Variants in SLC14A2 observed in about 807,000 individuals in gnomAD.
SLC14A2 encodes the protein urea transporter 2.
In SLC14A2, 91 loss-of-function variants were observed where a neutral mutation model predicts 104.6. That is an observed-to-expected ratio of 0.87 (90% CI 0.73 to 1.04). SLC14A2 has a LOEUF of 1.04. Ranked by LOEUF, SLC14A2 falls within the 50% of genes least tolerant of loss-of-function variation. The pLI, the probability that SLC14A2 is intolerant of heterozygous loss-of-function variation, is 0.00. For missense variants in SLC14A2, 1,189 were observed against 1,156.0 expected (o/e 1.03, Z -0.41); for synonymous variants, 476 against 466.4 (o/e 1.02, Z -0.27).
chr18:45,354,055 A>G (rs1412968103), intron 1 of SLC14A2, among the ~76,000 whole-genome samples: 4 of 152,172 alleles, frequency 2.6e-5, no homozygotes, highest in Admixed American at 1.3e-4. Flanking sequence ...TAAAATATTG[A>G]AGGTGCTGGA....
Position 45,641,124 on chromosome 18 carries a change from C to T in SLC14A2, c.992-85C>T, listed in dbSNP as rs143864938. 202 of 1,447,138 alleles carry T rather than the reference C, an allele frequency of 1.4e-4. 2 individuals carry two copies. In the East Asian group the frequency reaches 4.0e-3, roughly 29 times the overall value. The allele number at this position is 1,447,138 out of a possible 1,614,324, so 89.6% of individuals were successfully genotyped here. A position where few individuals can be genotyped will look rare whatever the true frequency, so the allele number is the denominator to read the frequency against. On this transcript the variant is annotated intron_variant, in intron 7 of 19. Coordinates refer to ENST00000255226, the MANE Select transcript of SLC14A2 (RefSeq NM_007163.4). ...TGTGGGGTGAACAACAGCATGGAGG[C>T]CACTCTGAGACCTGGCACCAGTCCC...
intron 1 of SLC14A2, among the ~76,000 whole-genome samples, chr18:45,623,448 A>C (rs945136032): frequency 1.3e-5 from 2 of 152,190 alleles, no homozygotes; most frequent in African/African-American, 4.8e-5. Flanking sequence ...AGAGTCAGTA[A>C]CGCAGCAGTG....
chr18:45,282,898 C>T (rs1476575764), intron 1 of SLC14A2, among the ~76,000 whole-genome samples: 1 of 151,672 alleles, frequency 6.6e-6, no homozygotes, highest in Non-Finnish European at 1.5e-5. Context: ...TGTGCAAGTC[C>T]CCTTTGTGAT....
At chr18:45,277,598 A>G (rs1362289345) in intron 1 of SLC14A2, among the ~76,000 whole-genome samples, 2 of 152,128 alleles carry the variant, frequency 1.3e-5, no homozygotes, top group African/African-American at 4.8e-5. Context: ...TTGTAGAGAC[A>G]GGGTCTTGCC....
intron 1 of SLC14A2, among the ~76,000 whole-genome samples, chr18:45,283,097 TCTGA>T (rs1440838570): frequency 6.6e-6 from 1 of 152,234 alleles, no homozygotes; most frequent in African/African-American, 2.4e-5. Flanking sequence ...ATTGTGTGTA[TCTGA>T]CTGTGACCCT....
chr18:45,675,158 G>C (rs959344194), intron 18 of SLC14A2, among the ~76,000 whole-genome samples: 3 of 152,198 alleles, frequency 2.0e-5, no homozygotes, highest in Admixed American at 6.5e-5. Context: ...TGAGCCTGAC[G>C]ATCTCAGGAA....
rs577363357 is a variant in SLC14A2, at chr18:45,246,659, G to A, written c.-125+33468G>A. 8.6e-5 allele frequency among the ~76,000 whole-genome samples: 13 copies of A among 151,986 alleles called. 1 individual carries two copies. The South Asian group carries it at 2.5e-3, about 29-fold the overall frequency. ...GTGATCTTGGCTCACTGCAACCTCC[G>A]CCTCCCGGGTTCAAACAATTCTCTT... On this transcript the variant is annotated intron_variant, in intron 1 of 20. Transcript: ENST00000586448.
intron 1 of SLC14A2, among the ~76,000 whole-genome samples, chr18:45,333,955 TTACTG>T (rs1222626808): frequency 6.6e-6 from 1 of 152,218 alleles, no homozygotes; most frequent in African/African-American, 2.4e-5. Context: ...TATATATAGT[TTACTG>T]TACATGGTGG....
chr18:45,606,622 G>A (rs550882032), intron 2 of SLC14A2, among the ~76,000 whole-genome samples: 21 of 133,896 alleles, frequency 1.6e-4, no homozygotes, highest in Non-Finnish European at 2.6e-4. Flanking sequence ...GAAAACATAT[G>A]CCCATGACCT....
intron 5 of SLC14A2, 112 bp from the exon 6 acceptor site, chr18:45,636,878 G>A (rs1394713614): frequency 5.3e-6 from 4 of 748,484 alleles, no homozygotes; most frequent in East Asian, 2.5e-5. Context: ...AGGGGGCCAG[G>A]AATGCTGTGC....
At chr18:45,585,782 C>G (rs955820122) in intron 2 of SLC14A2, among the ~76,000 whole-genome samples, 1 of 152,184 alleles carries the variant, frequency 6.6e-6, no homozygotes, top group African/African-American at 2.4e-5. Context: ...GCCCCCTTCT[C>G]CCTCTGCATG....
At chr18:45,214,920 AAAAAAAAAAAAAAAAGAAAAGAAAT>A (rs1486810024) in intron 1 of SLC14A2, among the ~76,000 whole-genome samples, 1 of 150,384 alleles carries the variant, frequency 6.6e-6, no homozygotes, top group Non-Finnish European at 1.5e-5. Flanking sequence ...TCTTTAAAAA[AAAAAAAAAAAAAAAAGAAAAGAAAT>A]AAAAGAAAAA....
At chr18:45,396,673 T>TA (rs1369866212) in intron 1 of SLC14A2, among the ~76,000 whole-genome samples, 22 of 141,194 alleles carry the variant, frequency 1.6e-4, no homozygotes, top group Admixed American at 1.0e-3. Context: ...TCTTTTTTTT[T>TA]AACTTTTATT....
chr18:45,669,564 T>C, intron 16 of SLC14A2, 66 bp downstream of exon 16: 1 of 1,344,630 alleles, frequency 7.4e-7, no homozygotes, highest in Non-Finnish European at 1.0e-6. Flanking sequence ...TTTGCATATT[T>C]TGCACATCAG....
At chr18:45,264,035 C>T (rs909794190) in intron 1 of SLC14A2, among the ~76,000 whole-genome samples, 6 of 152,136 alleles carry the variant, frequency 3.9e-5, no homozygotes, top group Non-Finnish European at 7.4e-5. Flanking sequence ...TTAACACAAG[C>T]ATGTGCACTA....
chr18:45,658,665 G>A (rs2045884238), intron 10 of SLC14A2, among the ~76,000 whole-genome samples: 2 of 151,918 alleles, frequency 1.3e-5, no homozygotes, highest in South Asian at 4.2e-4. Context: ...TCAGAAAGAG[G>A]GTAGATTATT....
chr18:45,682,293 G>A, intron 19 of SLC14A2, 26 bp from the exon 20 acceptor site: 1 of 1,610,662 alleles, frequency 6.2e-7, no homozygotes, highest in Non-Finnish European at 8.5e-7. Flanking sequence ...ATGTGACCAA[G>A]GCTTATCTGT....
At chr18:45,632,974 G>T (rs1193232831) in intron 5 of SLC14A2, among the ~76,000 whole-genome samples, 1 of 152,236 alleles carries the variant, frequency 6.6e-6, no homozygotes, top group Non-Finnish European at 1.5e-5. Context: ...ACCATGCCCA[G>T]CCAGGAGGAT....
chr18:45,170,349 G>A, the SLC14A2 span, among the ~76,000 whole-genome samples: 1 of 152,110 alleles, frequency 6.6e-6, no homozygotes, highest in Non-Finnish European at 1.5e-5. Flanking sequence ...GGGAAATGTT[G>A]AGTAATCTGT....
Sources: allele counts gnomAD v4.1 joint callset (sites outside exome capture counted in the v4.1 genomes callset), GRCh38; gene constraint gnomAD v4.1.1; transcripts MANE v1.5; gene names NCBI Gene and HGNC (gene_info 2026-07-23, HGNC 2026-07-21).